Variants in DPP6 observed in about 807,000 individuals in gnomAD.
DPP6 encodes the protein A-type potassium channel modulatory protein DPP6.
DPP6 carries 69 observed loss-of-function variants against 122.6 expected under a neutral mutation model. The ratio of observed to expected loss-of-function variants is 0.56; its 90% CI spans 0.46 to 0.69. DPP6 has a LOEUF of 0.69. DPP6 is among the 30% of genes least tolerant of loss of function. DPP6 has a pLI of 0.00. For synonymous variants in DPP6, 418 were observed against 433.1 expected, an observed-to-expected ratio of 0.97 and a Z score of 0.43; for missense variants, 928 against 1,116.9, an observed-to-expected ratio of 0.83 and a Z score of 2.41.
chr7:154,543,886 TG>T (rs1430785844), intron 4 of DPP6, among the ~76,000 whole-genome samples: 1 of 148,392 alleles, frequency 6.7e-6, no homozygotes, highest in East Asian at 2.0e-4. Flanking sequence ...CCCACCTACT[TG>T]GGAAGCCGAG....
chr7:154,662,192 T>C (rs200937957), intron 6 of DPP6, among the ~76,000 whole-genome samples: 14,490 of 129,032 alleles, frequency 0.11, no homozygotes, highest in Middle Eastern at 0.18. Flanking sequence ...GGTGAATCAC[T>C]GTGGCATATT....
the DPP6 span, among the ~76,000 whole-genome samples, chr7:153,837,879 G>T: frequency 9.0e-6 from 1 of 111,464 alleles, no homozygotes; most frequent in African/African-American, 3.2e-5. Flanking sequence ...GATGGGGTTT[G>T]CCCAGGCTGG....
At chr7:154,409,001 G>C (rs1816365579) in intron 1 of DPP6, among the ~76,000 whole-genome samples, 1 of 152,076 alleles carries the variant, frequency 6.6e-6, no homozygotes, top group African/African-American at 2.4e-5. Context: ...AAATTAGCCA[G>C]GTGGTAGTGG....
At position 154,375,287 on chromosome 7, in the gene DPP6, G is replaced by A. The variant is rs10234607; in HGVS notation, c.244-70927G>A. Among the ~76,000 whole-genome samples the A allele has an allele frequency of 3.8e-3, 581 of 152,156 alleles. 2 individuals carry two copies. Among genetic ancestry groups the A allele is most frequent in the African/African-American group, 0.013 (545 of 41,504 alleles). ...GAACCCTTGAGTGGCTATATGCCTG[G>A]CACACCCCAAGGGCAGGAGGTCGAC... On this transcript the variant is annotated intron_variant, in intron 1 of 25. Transcript: ENST00000377770.
chr7:153,779,981 T>C, the DPP6 span, among the ~76,000 whole-genome samples: 1 of 151,858 alleles, frequency 6.6e-6, no homozygotes, highest in African/African-American at 2.4e-5. Flanking sequence ...TTAATTTGTT[T>C]ACCCCAATGC....
chr7:154,410,128 A>C (rs945142442), intron 1 of DPP6, among the ~76,000 whole-genome samples: 2 of 152,202 alleles, frequency 1.3e-5, no homozygotes, highest in African/African-American at 4.8e-5. Flanking sequence ...CCATTTCTTG[A>C]AGAGGACAAG....
intron 1 of DPP6, among the ~76,000 whole-genome samples, chr7:154,417,137 C>T (rs1285979932): frequency 6.6e-6 from 1 of 152,188 alleles, no homozygotes; most frequent in African/African-American, 2.4e-5. Context: ...TGAAGCAAGT[C>T]TGAGGTGTCT....
In DPP6 at chr7:154,790,791, A is replaced by T. The variant is rs570405305; in HGVS notation, c.1137-3288A>T. 2.8e-3 allele frequency among the ~76,000 whole-genome samples: 403 copies of T among 141,568 alleles called. 3 individuals are homozygous for T. The highest frequency in any genetic ancestry group is 9.9e-3 in the African/African-American group (379 of 38,382). The allele number at this position is 141,568 out of a possible 152,430, so 92.9% of individuals were successfully genotyped here. A position where few individuals can be genotyped will look rare whatever the true frequency, so the allele number is the denominator to read the frequency against. On this transcript the variant is annotated intron_variant, in intron 10 of 25. Coordinates refer to ENST00000377770, the MANE Select transcript of DPP6 (RefSeq NM_130797.4). ...TCAGTGCAACAGCCTCATATTACAA[A>T]CTAAGAGAAGGGAGGAAAGGAGGGA...
intron 16 of DPP6, among the ~76,000 whole-genome samples, chr7:154,810,222 A>G (rs1193004014): frequency 6.6e-6 from 1 of 152,192 alleles, no homozygotes; most frequent in Non-Finnish European, 1.5e-5. Context: ...TTCAAGCTCA[A>G]GTTCAGTCTG....
chr7:154,744,443 G>A (rs915006886), intron 8 of DPP6, among the ~76,000 whole-genome samples: 2 of 152,372 alleles, frequency 1.3e-5, no homozygotes, highest in East Asian at 1.9e-4. Context: ...TGTTCGGGGA[G>A]CCGATCCTCC....
chr7:154,447,032 A>G (rs1310982823), intron 2 of DPP6, among the ~76,000 whole-genome samples: 4 of 152,192 alleles, frequency 2.6e-5, no homozygotes, highest in African/African-American at 9.6e-5. Flanking sequence ...AGAGCTGGAC[A>G]TGGTGGCTTA....
At chr7:153,870,880 C>G in the DPP6 span, among the ~76,000 whole-genome samples, 8 of 152,298 alleles carry the variant, frequency 5.3e-5, 1 homozygote, top group East Asian at 1.5e-3. Flanking sequence ...ACAGGACCCT[C>G]AGCTGCAGGT....
chr7:154,371,311 A>G (rs892220595), intron 1 of DPP6, among the ~76,000 whole-genome samples: 18 of 137,340 alleles, frequency 1.3e-4, no homozygotes, highest in African/African-American at 4.8e-4. Flanking sequence ...CCTGGGAGGC[A>G]GAGGTTGCAG....
rs76670260 is a variant in DPP6 at position 154,173,877 on chromosome 7, C to T, written c.243+120814C>T. Reference sequence around the variant, plus strand: ...TTGACTGTGGCTGGGCTGCCTCTGACGGGCGGGACCCTGACACCCACCTTA... The same window carrying T: ...TTGACTGTGGCTGGGCTGCCTCTGATGGGCGGGACCCTGACACCCACCTTA... On this transcript the variant is annotated intron_variant, in intron 1 of 25. Transcript: ENST00000377770. 3.9e-3 allele frequency among the ~76,000 whole-genome samples: 600 copies of T among 152,270 alleles called. 5 individuals are homozygous for T. The highest frequency in any genetic ancestry group is 0.014 in the African/African-American group (568 of 41,540).
At chr7:153,866,345 C>G in the DPP6 span, among the ~76,000 whole-genome samples, 1 of 152,332 alleles carries the variant, frequency 6.6e-6, no homozygotes, top group Admixed American at 6.5e-5. Flanking sequence ...GATCGCCGTT[C>G]TACCTAGTGT....
At chr7:154,262,449 T>C (rs1281267383) in intron 1 of DPP6, among the ~76,000 whole-genome samples, 1 of 151,976 alleles carries the variant, frequency 6.6e-6, no homozygotes, top group African/African-American at 2.4e-5. Context: ...GAAAAGATCA[T>C]GTGAGGACAC....
the DPP6 span, among the ~76,000 whole-genome samples, chr7:153,778,140 A>G: frequency 6.7e-6 from 1 of 150,346 alleles, no homozygotes; most frequent in South Asian, 2.1e-4. Flanking sequence ...AAGCTACTTT[A>G]TATGTATATA....
At chr7:154,051,676 C>T (rs1419429925), upstream of DPP6, among the ~76,000 whole-genome samples, 1 of 150,886 alleles carries the variant, frequency 6.6e-6, no homozygotes, top group South Asian at 2.1e-4. Flanking sequence ...CCTCCGCCTG[C>T]GTTCATGATA....
Position 154,875,934 on chromosome 7 carries a change from G to A in DPP6, c.1912G>A (p.Ala638Thr). ...VDGTPGSQSV[A>T]EKFEVSWETV... ...TGGCACCCCAGGCAGCCAGAGTGTG[G>A]CTGAGAAGTTCGAGGTGAGCTGGGA... Residue 638 changes from alanine (A) to threonine (T), a missense_variant, in exon 20 of 26, where the codon GCT becomes ACT. Coordinates refer to ENST00000377770, the MANE Select transcript of DPP6 (RefSeq NM_130797.4). This position sits in a 1 kb window ranked among gnomAD's most constrained non-coding sequence, Gnocchi z 4.5. The A allele has an allele frequency of 6.2e-7, 1 of 1,612,980 alleles. No individual in the cohort carries two copies. The highest frequency in any genetic ancestry group is 8.5e-7 in the Non-Finnish European group (1 of 1,179,532).
Sources: allele counts gnomAD v4.1 joint callset (sites outside exome capture counted in the v4.1 genomes callset), GRCh38; gene constraint gnomAD v4.1.1; non-coding constraint Gnocchi (gnomAD v3.1); transcripts MANE v1.5; gene names NCBI Gene and HGNC (gene_info 2026-07-23, HGNC 2026-07-21).